ASTN2: variants seen among roughly 807,000 people sequenced by gnomAD.
The protein encoded by ASTN2 is astrotactin 2, also known as astrotactin-2.
ASTN2 carries 54 observed loss-of-function variants against 139.8 expected under a neutral mutation model. That is an observed-to-expected ratio of 0.39 (90% CI 0.31 to 0.48). The LOEUF (loss-of-function observed/expected upper bound fraction) is 0.48. Among genes scored for constraint, ASTN2 ranks in the 20% least tolerant of loss-of-function variants. The pLI is 0.95. For synonymous variants in ASTN2, 756 were observed against 719.5 expected, an observed-to-expected ratio of 1.05 and a Z score of -0.81; for missense variants, 1,565 against 1,725.1, an observed-to-expected ratio of 0.91 and a Z score of 1.64.
In ASTN2 at chr9:117,188,194, C is replaced by CAGAG. The variant is rs1235976830; in HGVS notation, c.1015+26160_1015+26163dup. The stretch of plus-strand genomic sequence containing the variant: ...AGAGAGAGAGAGAGAGAGAGAGAGA[C>CAGAG]AGAGAGAGAGAGAGAGAGGAAATCA... On this transcript the variant is annotated intron_variant, in intron 3 of 22. Transcript: ENST00000313400. Among the ~76,000 whole-genome samples, 4 of 31,984 alleles carry CAGAG rather than the reference C, an allele frequency of 1.3e-4. No individual in the cohort carries two copies. The South Asian group carries it at 2.1e-3, about 17-fold the overall frequency. The allele number at this position is 31,984 out of a possible 152,430, so 21.0% of individuals were successfully genotyped here. A position where few individuals can be genotyped will look rare whatever the true frequency, so the allele number is the denominator to read the frequency against.
rs1194137211 is a variant in ASTN2, at chr9:117,120,012, G to GTATATA, written c.1168+21313_1168+21314insTATATA. On this transcript the variant is annotated intron_variant, in intron 4 of 22. Coordinates refer to ENST00000313400, the MANE Select transcript of ASTN2 (RefSeq NM_001365068.1). ...TGTATGTGTGTGTGTGTGTGTGTGT[G>GTATATA]TGTGTGTATATATATATATATATAT... 7.5e-3 allele frequency among the ~76,000 whole-genome samples: 511 copies of GTATATA among 68,562 alleles called. 4 individuals are homozygous for GTATATA. Among genetic ancestry groups the GTATATA allele is most frequent in the East Asian group, 0.024 (36 of 1,504 alleles). 45.0% of individuals were successfully genotyped at this position (68,562 alleles called of 152,430 possible).
chr9:116,961,896 G>A (rs114952952), intron 10 of ASTN2, among the ~76,000 whole-genome samples: 2,497 of 152,264 alleles, frequency 0.016, 65 homozygotes, highest in African/African-American at 0.049. Flanking sequence ...ATCTATTTAC[G>A]CTAAATGCAT....
intron 2 of ASTN2, among the ~76,000 whole-genome samples, chr9:117,222,495 G>T (rs1483193211): frequency 6.6e-6 from 1 of 152,146 alleles, no homozygotes; most frequent in East Asian, 1.9e-4. Flanking sequence ...AGTGAGTGGC[G>T]AAGAGAAGGC....
At chr9:117,214,335 G>A (rs998661969) in intron 3 of ASTN2, 23 bp downstream of exon 3, 5 of 1,539,574 alleles carry the variant, frequency 3.2e-6, no homozygotes, top group Middle Eastern at 1.8e-4. Flanking sequence ...CCTGGAAAAT[G>A]GGCTGTGACA....
intron 13 of ASTN2, among the ~76,000 whole-genome samples, chr9:116,787,115 G>T (rs899317501): frequency 2.0e-5 from 3 of 152,134 alleles, no homozygotes; most frequent in African/African-American, 7.2e-5. Flanking sequence ...TGTCCTTACA[G>T]TAGCATGAGA....
intron 10 of ASTN2, among the ~76,000 whole-genome samples, chr9:116,904,245 C>T (rs144670402): frequency 4.6e-5 from 7 of 152,250 alleles, no homozygotes; most frequent in African/African-American, 1.7e-4. Context: ...GTGTGTCTCT[C>T]CAGGACACAG....
intron 4 of ASTN2, among the ~76,000 whole-genome samples, chr9:117,127,666 G>GT: frequency 1.3e-5 from 1 of 78,466 alleles, no homozygotes; most frequent in Non-Finnish European, 2.7e-5. Context: ...TTTTTTTTTT[G>GT]TTTTGGTTTT....
intron 2 of ASTN2, among the ~76,000 whole-genome samples, chr9:117,289,871 C>A (rs79935360): frequency 0.02 from 3,011 of 152,282 alleles, 41 homozygotes; most frequent in Middle Eastern, 0.044. Context: ...ACGTGATGAG[C>A]ATGCGTAAGG....
At chr9:116,815,828 A>AAAAAAAAAAAAAT (rs1554750237) in intron 12 of ASTN2, among the ~76,000 whole-genome samples, 1 of 145,988 alleles carries the variant, frequency 6.8e-6, no homozygotes. Context: ...AAAAAAAAAA[A>AAAAAAAAAAAAAT]GTTGATGAAA....
At chr9:117,291,567 C>A in intron 1 of ASTN2, 54 bp from the exon 2 acceptor site, 1 of 1,505,142 alleles carries the variant, frequency 6.6e-7, no homozygotes, top group Non-Finnish European at 8.9e-7. Flanking sequence ...CCTTGGTGCT[C>A]CAGGGAGGAA....
chr9:116,994,042 G>A (rs1028104448), intron 7 of ASTN2, among the ~76,000 whole-genome samples: 2 of 151,560 alleles, frequency 1.3e-5, no homozygotes, highest in African/African-American at 4.8e-5. Flanking sequence ...TATACTGAAC[G>A]TTCAGTGAAC....
At chr9:116,621,148 T>C (rs1459704515) in intron 17 of ASTN2, among the ~76,000 whole-genome samples, 1 of 152,154 alleles carries the variant, frequency 6.6e-6, no homozygotes, top group African/African-American at 2.4e-5. Flanking sequence ...GAAAACAGTT[T>C]CTATAACGGG....
chr9:116,799,508 A>G (rs1830784885), intron 13 of ASTN2, among the ~76,000 whole-genome samples: 1 of 152,126 alleles, frequency 6.6e-6, no homozygotes. Flanking sequence ...CATCTTATTT[A>G]TGATGAGGCT....
At chr9:117,319,558 G>A (rs1296696458) in intron 1 of ASTN2, among the ~76,000 whole-genome samples, 1 of 151,486 alleles carries the variant, frequency 6.6e-6, no homozygotes, top group African/African-American at 2.4e-5. Context: ...CTCCAGAGTA[G>A]CTAGGATTAC....
At chr9:117,264,502 T>C (rs980781981) in intron 2 of ASTN2, among the ~76,000 whole-genome samples, 31 of 152,178 alleles carry the variant, frequency 2.0e-4, no homozygotes, top group African/African-American at 7.0e-4. Flanking sequence ...CTTGGTGTAG[T>C]GCCTGGCATG....
At chr9:117,112,845 T>C (rs1829283728) in intron 4 of ASTN2, among the ~76,000 whole-genome samples, 1 of 152,140 alleles carries the variant, frequency 6.6e-6, no homozygotes, top group Non-Finnish European at 1.5e-5. Flanking sequence ...GGAAAATAAC[T>C]GTAATACATA....
chr9:116,727,066 C>T (rs899110498), intron 15 of ASTN2, among the ~76,000 whole-genome samples: 1 of 151,080 alleles, frequency 6.6e-6, no homozygotes, highest in African/African-American at 2.4e-5. Context: ...CTGAAATGGC[C>T]TCCCTATGTC....
chr9:116,602,120 C>T (rs1449498664), intron 19 of ASTN2, among the ~76,000 whole-genome samples: 1 of 152,074 alleles, frequency 6.6e-6, no homozygotes, highest in Non-Finnish European at 1.5e-5. Flanking sequence ...GTTTATGACC[C>T]AAAAATGTCA....
intron 10 of ASTN2, among the ~76,000 whole-genome samples, chr9:116,925,735 G>A (rs1323952845): frequency 1.3e-5 from 2 of 152,042 alleles, no homozygotes; most frequent in Admixed American, 6.5e-5. Context: ...ATTGTAGGCT[G>A]TGATTAATAA....
Sources: allele counts gnomAD v4.1 joint callset (sites outside exome capture counted in the v4.1 genomes callset), GRCh38; gene constraint gnomAD v4.1.1; transcripts MANE v1.5; gene names NCBI Gene and HGNC (gene_info 2026-07-23, HGNC 2026-07-21).